TUBB3: variants seen among roughly 807,000 people sequenced by gnomAD.
TUBB3 encodes the protein tubulin beta 3 class III, also known as tubulin beta-3 chain.
In TUBB3, 17 loss-of-function variants were observed where a neutral mutation model predicts 37.8. That is an observed-to-expected ratio of 0.45 (90% CI 0.31 to 0.67). The LOEUF is 0.67. Among genes scored for constraint, TUBB3 ranks in the 30% least tolerant of loss-of-function variants. The pLI is 0.07. For missense variants in TUBB3, 262 were observed against 657.9 expected (o/e 0.40, Z 6.58); for synonymous variants, 332 against 278.9 (o/e 1.19, Z -1.90).
At chr16:89,928,024 T>G (rs989546125) in intron 1 of TUBB3, among the ~76,000 whole-genome samples, 22 of 152,000 alleles carry the variant, frequency 1.4e-4, no homozygotes, top group African/African-American at 5.3e-4. Context: ...AGGCAAGCAG[T>G]AGGTGGGAAG....
rs528815633 is a variant in TUBB3 at position 89,934,632 on chromosome 16, G to C, written c.278-97G>C. ...TTACAGAAGACAGAACAGGCATGGGGCTGCCACGGCTGCCCTTGGGATGTT... is the reference window on the plus strand; with the variant it reads ...TTACAGAAGACAGAACAGGCATGGGCCTGCCACGGCTGCCCTTGGGATGTT... On this transcript the variant is annotated intron_variant, in intron 3 of 3. Coordinates refer to ENST00000315491, the MANE Select transcript of TUBB3 (RefSeq NM_006086.4). The C allele has an allele frequency of 3.2e-3, 3,898 of 1,215,554 alleles. 107 individuals carry two copies. Among genetic ancestry groups the C allele is most frequent in the Non-Finnish European group, 5.6e-4 (472 of 842,978 alleles). The allele number at this position is 1,215,554 out of a possible 1,614,324, so 75.3% of individuals were successfully genotyped here.
chr16:89,931,215 C>G (rs2030267533), intron 1 of TUBB3, among the ~76,000 whole-genome samples: 1 of 152,236 alleles, frequency 6.6e-6, no homozygotes, highest in Non-Finnish European at 1.5e-5. Flanking sequence ...ACGTCAGCCT[C>G]CCAAAGTGCT....
intron 1 of TUBB3, among the ~76,000 whole-genome samples, chr16:89,927,857 GTTACTCTCTCCACCCCTCCT>G (rs1463494017): frequency 2.0e-5 from 3 of 152,310 alleles, no homozygotes; most frequent in Admixed American, 6.5e-5. Context: ...CCATAGATGT[GTTACTCTCTCCACCCCTCCT>G]TTACAGGGGC....
intron 1 of TUBB3, 83 bp downstream of exon 1, chr16:89,923,541 GC>G: frequency 4.0e-6 from 5 of 1,235,232 alleles, no homozygotes; most frequent in South Asian, 4.7e-5. Flanking sequence ...ACCTCCAGCT[GC>G]CCCCGCCCCT....
At chr16:89,932,100 G>A (rs1456455890) in intron 1 of TUBB3, 2 of 298,878 alleles carry the variant, frequency 6.7e-6, no homozygotes, top group Non-Finnish European at 1.3e-5. Context: ...TGGAGGGGCA[G>A]GTGTAGCAGC....
upstream of TUBB3, chr16:89,923,324 C>A (rs918147059): frequency 7.2e-6 from 9 of 1,246,602 alleles, 1 homozygote; most frequent in East Asian, 3.5e-5. Context: ...TAAGAGCGCG[C>A]GGCCGCGGTC....
In TUBB3 at chr16:89,934,886, C is replaced by T. The variant is rs146421795; in HGVS notation, c.435C>T (p.Ser145=). The change falls in exon 4 of 4, where the codon TCC becomes TCT. Residue 145 remains serine (S), a synonymous_variant. Transcript: ENST00000315491. ...ACTCGCTGGGGGGCGGCACGGGCTC[C>T]GGCATGGGCACGTTGCTCATCAGCA... is the stretch of plus-strand genomic sequence containing the variant. ...LTHSLGGGTG[S]GMGTLLISKV... is the part of the protein sequence containing the mutation. 550 of 1,614,132 alleles carry T rather than the reference C, an allele frequency of 3.4e-4. No individual in the cohort carries two copies. The African/African-American group carries it at 4.4e-3, about 13-fold the overall frequency.
At chr16:89,930,251 C>T (rs1020312131) in intron 1 of TUBB3, among the ~76,000 whole-genome samples, 15 of 151,128 alleles carry the variant, frequency 9.9e-5, no homozygotes, top group Admixed American at 4.0e-4. Flanking sequence ...AGTACAGGTG[C>T]GCGCCACCAT....
chr16:89,923,113 T>A (rs557244303), upstream of TUBB3, among the ~76,000 whole-genome samples: 1,436 of 152,034 alleles, frequency 9.4e-3, 19 homozygotes, highest in African/African-American at 0.033. Context: ...AGACAGCCCC[T>A]CCTTTCGAAT....
At chr16:89,928,688 C>T (rs2030172793) in intron 1 of TUBB3, among the ~76,000 whole-genome samples, 1 of 151,966 alleles carries the variant, frequency 6.6e-6, no homozygotes, top group Non-Finnish European at 1.5e-5. Context: ...CCGCGCCTGG[C>T]TAATTTTTTG....
At position 89,934,985 on chromosome 16, in the gene TUBB3, G is replaced by T. The variant is rs143029958; in HGVS notation, c.534G>T (p.Thr178=). ...SVVPSPKVSD[T]VVEPYNATLS... ...TGCCCTCACCCAAGGTGTCAGACAC[G>T]GTGGTGGAGCCCTACAACGCCACGC... Residue 178 remains threonine (T), a synonymous_variant, in exon 4 of 4, where the codon ACG becomes ACT. Transcript: ENST00000315491. 6.2e-7 allele frequency: 1 copy of T among 1,614,130 alleles called. No homozygotes were observed. The highest frequency in any genetic ancestry group is 8.5e-7 in the Non-Finnish European group (1 of 1,180,012).
rs553669236 is a variant in TUBB3, at chr16:89,930,365, A to C, written c.58-2206A>C. 2.0e-3 allele frequency among the ~76,000 whole-genome samples: 308 copies of C among 152,036 alleles called. 2 individuals are homozygous for C. The highest frequency in any genetic ancestry group is 7.2e-3 in the African/African-American group (297 of 41,452). ...TGACCCACCCGCCTCTGCCTCCCAA[A>C]GTGCAGGGATTATGGGGGTGAGCCA... On this transcript the variant is annotated intron_variant, in intron 1 of 3. Transcript: ENST00000315491.
chr16:89,934,528 C>T (rs2030386223), intron 3 of TUBB3: 3 of 651,778 alleles, frequency 4.6e-6, no homozygotes, highest in Non-Finnish European at 8.4e-6. Flanking sequence ...CTGTCCAGAG[C>T]CCTCGTCCTG....
chr16:89,923,379 G>A lies in TUBB3; in HGVS notation c.-23G>A. 1 of 1,459,860 alleles carries A rather than the reference G, an allele frequency of 6.8e-7. No homozygotes were observed. The allele number at this position is 1,459,860 out of a possible 1,614,324, so 90.4% of individuals were successfully genotyped here. ...CCCGGCCCGCCCGCGCCCGTCCGCA[G>A]CCGCCCGCCAGACGCGCCCAGTATG... On this transcript the variant is annotated 5_prime_UTR_variant, in exon 1 of 4. Transcript: ENST00000315491.
In TUBB3 at chr16:89,923,437, C is replaced by T. The variant is rs2029957972; in HGVS notation, c.36C>T (p.Cys12=). The part of the protein sequence containing the change: ...REIVHIQAGQ[C]GNQIGAKFWE... ...TCGTGCACATCCAGGCCGGCCAGTG[C>T]GGCAACCAGATCGGGGCCAAGGTGA... is the stretch of plus-strand genomic sequence containing the variant. The change falls in exon 1 of 4, where the codon TGC becomes TGT. Residue 12 remains cysteine, a synonymous_variant. Transcript: ENST00000315491. 2.0e-6 allele frequency: 3 copies of T among 1,513,464 alleles called. No homozygotes were observed. Among genetic ancestry groups the T allele is most frequent in the African/African-American group, 1.4e-5 (1 of 69,084 alleles). 93.8% of individuals were successfully genotyped at this position (1,513,464 alleles called of 1,614,324 possible).
rs1339078218 is a variant in TUBB3 at position 89,935,231 on chromosome 16, C to T, written c.780C>T (p.Phe260=). 2 of 1,613,852 alleles carry T rather than the reference C, an allele frequency of 1.2e-6. No homozygotes were observed. Among genetic ancestry groups the T allele is most frequent in the East Asian group, 2.2e-5 (1 of 44,878 alleles). ...LRKLAVNMVP[F]PRLHFFMPGF... is the part of the protein sequence containing the mutation. ...AGCTGGCCGTCAACATGGTGCCCTT[C>T]CCGCGCCTGCACTTCTTCATGCCCG... Residue 260 remains phenylalanine, a synonymous_variant, in exon 4 of 4, where the codon TTC becomes TTT. Transcript: ENST00000315491.
At chr16:89,929,760 G>A (rs2030214841) in intron 1 of TUBB3, among the ~76,000 whole-genome samples, 3 of 152,148 alleles carry the variant, frequency 2.0e-5, no homozygotes, top group South Asian at 4.1e-4. Flanking sequence ...TGAGTGCAGT[G>A]GCATGACATA....
intron 1 of TUBB3, among the ~76,000 whole-genome samples, chr16:89,926,812 G>A (rs1450809690): frequency 2.6e-5 from 4 of 151,950 alleles, no homozygotes; most frequent in Admixed American, 2.0e-4. Context: ...CCACTTCCTG[G>A]GTTCAAGCTA....
At chr16:89,927,761 G>C (rs2030137901) in intron 1 of TUBB3, among the ~76,000 whole-genome samples, 2 of 152,228 alleles carry the variant, frequency 1.3e-5, no homozygotes, top group African/African-American at 4.8e-5. Flanking sequence ...GCACGCGCCT[G>C]GCCCACAGCT....
Sources: allele counts gnomAD v4.1 joint callset (sites outside exome capture counted in the v4.1 genomes callset), GRCh38; gene constraint gnomAD v4.1.1; transcripts MANE v1.5; gene names NCBI Gene and HGNC (gene_info 2026-07-23, HGNC 2026-07-21).